The following ESR2 variants were observed in gnomAD, a reference collection of about 807,000 sequenced individuals.
ESR2 encodes the protein estrogen receptor 2.
Under a neutral mutation model 49.6 loss-of-function variants are expected in ESR2, and 36 were observed. The observed-to-expected ratio is 0.73, with a 90% CI of 0.56 to 0.96. The LOEUF is 0.96. ESR2 is among the 40% of genes least tolerant of loss of function. The pLI, the probability that ESR2 is intolerant of heterozygous loss-of-function variation, is 0.00. For synonymous variants in ESR2, 320 were observed against 266.1 expected (o/e 1.20, Z -1.97); for missense variants, 714 against 693.0 (o/e 1.03, Z -0.34).
Position 64,268,853 on chromosome 14 carries a change from G to A in ESR2, c.594C>T (p.Arg198=). Residue 198 remains arginine, a synonymous_variant, in exon 4 of 9, where the codon CGC becomes CGT. Coordinates refer to ENST00000341099, the MANE Select transcript of ESR2 (RefSeq NM_001437.3). ...GAAGTCGGCAGGCCTGGCAGCTCTT[G>A]CGCCGGTTTTTATCGATTGTACACT... ...TNQCTIDKNR[R]KSCQACRLRK... 1 of 1,613,968 alleles carries A rather than the reference G, an allele frequency of 6.2e-7. No homozygotes were observed. Among genetic ancestry groups the A allele is most frequent in the South Asian group, 1.1e-5 (1 of 91,076 alleles).
intron 1 of ESR2, among the ~76,000 whole-genome samples, chr14:64,316,816 AAAAAT>A (rs1279994012): frequency 1.3e-5 from 2 of 152,184 alleles, no homozygotes; most frequent in African/African-American, 2.4e-5. Context: ...CTCAAAAAAT[AAAAAT>A]AAAATAAAAT....
intron 1 of ESR2, among the ~76,000 whole-genome samples, chr14:64,317,492 G>A (rs1004239453): frequency 5.3e-5 from 8 of 151,986 alleles, no homozygotes; most frequent in Non-Finnish European, 1.0e-4. Context: ...AGACAGGGAG[G>A]GAGCCACACA....
intron 1 of ESR2, among the ~76,000 whole-genome samples, chr14:64,300,763 A>T (rs189272225): frequency 0.028 from 4,245 of 151,820 alleles, 74 homozygotes; most frequent in African/African-American, 0.05. Context: ...AAAAAAAAAA[A>T]TTTTTTTCTG....
At chr14:64,249,484 C>T (rs972157508) in intron 7 of ESR2, 62 bp downstream of exon 7, 56 of 1,552,042 alleles carry the variant, frequency 3.6e-5, no homozygotes, top group Admixed American at 1.3e-4. Flanking sequence ...CTTAATATCA[C>T]GCTAGTTGTA....
chr14:64,298,078 T>C (rs115277790), upstream of ESR2, among the ~76,000 whole-genome samples: 152 of 152,326 alleles, frequency 1.0e-3, no homozygotes, highest in African/African-American at 3.5e-3. Context: ...TCAGAGATCA[T>C]CTCAACTGAA....
intron 7 of ESR2, among the ~76,000 whole-genome samples, chr14:64,246,965 T>G (rs548499608): frequency 1.4e-4 from 22 of 152,234 alleles, no homozygotes; most frequent in Admixed American, 5.9e-4. Flanking sequence ...CTTCCAGGTC[T>G]CTGTACCTTC....
intron 1 of ESR2, among the ~76,000 whole-genome samples, chr14:64,322,880 A>G (rs902441412): frequency 6.6e-6 from 1 of 152,246 alleles, no homozygotes; most frequent in African/African-American, 2.4e-5. Context: ...GGAAATAATT[A>G]TATCATCCCT....
chr14:64,268,970 T>C, intron 3 of ESR2, 59 bp from the exon 4 acceptor site: 3 of 986,944 alleles, frequency 3.0e-6, no homozygotes, highest in Non-Finnish European at 4.8e-6. Flanking sequence ...TTAAATCTCT[T>C]CCTGGTCAAC....
At chr14:64,328,397 C>T (rs920666876) in intron 1 of ESR2, among the ~76,000 whole-genome samples, 19 of 151,160 alleles carry the variant, frequency 1.3e-4, no homozygotes, top group East Asian at 3.9e-4. Flanking sequence ...CCAGCATGGG[C>T]GACAGAGCAA....
intron 1 of ESR2, among the ~76,000 whole-genome samples, chr14:64,284,192 G>T (rs2076744335): frequency 6.6e-6 from 1 of 152,082 alleles, no homozygotes. Flanking sequence ...GTCTCCCAAA[G>T]TGCTGGGATT....
At chr14:64,319,405 G>GA (rs955955018) in intron 1 of ESR2, among the ~76,000 whole-genome samples, 35 of 146,320 alleles carry the variant, frequency 2.4e-4, no homozygotes, top group East Asian at 2.4e-3. Flanking sequence ...CAAGATTCAT[G>GA]AAAAAAAAAA....
At chr14:64,242,268 G>C (rs2075743166) in intron 7 of ESR2, among the ~76,000 whole-genome samples, 1 of 151,942 alleles carries the variant, frequency 6.6e-6, no homozygotes, top group African/African-American at 2.4e-5. Flanking sequence ...AAATTAGCTA[G>C]GCATGGTGGC....
At chr14:64,337,713 T>C (rs2077548677) in intron 1 of ESR2, among the ~76,000 whole-genome samples, 1 of 152,218 alleles carries the variant, frequency 6.6e-6, no homozygotes, top group Non-Finnish European at 1.5e-5. Flanking sequence ...TAATTCCATA[T>C]GTGGGACTAC....
At chr14:64,284,070 G>A (rs1236345303) in intron 1 of ESR2, among the ~76,000 whole-genome samples, 4 of 151,856 alleles carry the variant, frequency 2.6e-5, no homozygotes, top group African/African-American at 9.7e-5. Flanking sequence ...GAGACTATGG[G>A]TGCGCACCAC....
chr14:64,233,424 C>A (rs1037318466), intron 8 of ESR2, 101 bp from the exon 9 acceptor site: 1 of 1,133,736 alleles, frequency 8.8e-7, no homozygotes, highest in Non-Finnish European at 1.3e-6. Context: ...TCTACCCCAC[C>A]CCTAAACCCA....
chr14:64,243,131 A>G (rs2075773919), intron 7 of ESR2, among the ~76,000 whole-genome samples: 1 of 152,240 alleles, frequency 6.6e-6, no homozygotes, highest in African/African-American at 2.4e-5. Flanking sequence ...ACACAGAGCC[A>G]AACCATATCA....
intron 7 of ESR2, among the ~76,000 whole-genome samples, chr14:64,240,930 A>G (rs8021763): frequency 0.22 from 33,492 of 151,474 alleles, 6,535 homozygotes; most frequent in African/African-American, 0.53. Flanking sequence ...GGATCACGAG[A>G]TCAGGAGATC....
intron 4 of ESR2, among the ~76,000 whole-genome samples, chr14:64,263,132 A>G (rs1189240708): frequency 6.6e-6 from 1 of 152,216 alleles, no homozygotes; most frequent in Non-Finnish European, 1.5e-5. Flanking sequence ...CTCTGAAATT[A>G]TACATATTTT....
chr14:64,334,095 G>T (rs914097683), intron 1 of ESR2, among the ~76,000 whole-genome samples: 1 of 152,090 alleles, frequency 6.6e-6, no homozygotes, highest in African/African-American at 2.4e-5. Context: ...AGAGTAAATT[G>T]TACCAACAAT....
Sources: gnomAD v4.1 joint callset for allele counts (sites outside exome capture counted in the v4.1 genomes callset) on GRCh38, gnomAD v4.1.1 for gene constraint, MANE v1.5 for transcripts, NCBI Gene and HGNC (gene_info 2026-07-23, HGNC 2026-07-21) for gene names.